The following SORCS1 variants were observed in gnomAD, a reference collection of about 807,000 sequenced individuals.
The protein encoded by SORCS1 is VPS10 domain-containing receptor SorCS1.
Under a neutral mutation model 146.1 loss-of-function variants are expected in SORCS1, and 60 were observed. The observed-to-expected ratio is 0.41, with a 90% CI of 0.33 to 0.51. The LOEUF (loss-of-function observed/expected upper bound fraction) is 0.51. Ranked by LOEUF, SORCS1 falls within the 20% of genes least tolerant of loss-of-function variation. The pLI is 0.21. For missense variants in SORCS1, 1,352 were observed against 1,487.6 expected (o/e 0.91, Z 1.50); for synonymous variants, 637 against 584.0 (o/e 1.09, Z -1.31).
At chr10:106,954,169 G>A (rs1954828307) in intron 2 of SORCS1, among the ~76,000 whole-genome samples, 1 of 152,212 alleles carries the variant, frequency 6.6e-6, no homozygotes, top group African/African-American at 2.4e-5. Context: ...CCACTGTGCA[G>A]GTGGAGAGTT....
intron 5 of SORCS1, among the ~76,000 whole-genome samples, chr10:106,753,383 G>A (rs1249285383): frequency 3.3e-5 from 5 of 152,088 alleles, no homozygotes; most frequent in Non-Finnish European, 5.9e-5. Context: ...TGGTATATCT[G>A]AAGGAGGAAG....
chr10:107,043,326 G>A (rs975658926), intron 1 of SORCS1, among the ~76,000 whole-genome samples: 4 of 152,074 alleles, frequency 2.6e-5, no homozygotes, highest in African/African-American at 7.2e-5. Context: ...TTTCTGTCAC[G>A]GGTTCTCATT....
intron 18 of SORCS1, among the ~76,000 whole-genome samples, chr10:106,632,532 C>T (rs931600032): frequency 6.6e-6 from 1 of 152,176 alleles, no homozygotes; most frequent in Non-Finnish European, 1.5e-5. Flanking sequence ...ATTGAGTAGA[C>T]ATACTCACCC....
intron 21 of SORCS1, among the ~76,000 whole-genome samples, chr10:106,614,054 T>C (rs985349579): frequency 2.0e-5 from 3 of 152,120 alleles, no homozygotes; most frequent in Admixed American, 2.0e-4. Flanking sequence ...TAAATTATTT[T>C]GTTTTCATTG....
rs1283833741 is a variant in SORCS1 at position 106,574,987 on chromosome 10, T to A, written c.*2433A>T. ...TTTCTTCAACAAATAGTTTTCATAC[T>A]ACTACTCTAGGCAAGGCACTGTGCT... is the stretch of plus-strand genomic sequence containing the variant. On this transcript the variant is annotated 3_prime_UTR_variant, in exon 26 of 26. Transcript: ENST00000263054. The A allele has an allele frequency of 6.6e-6, 1 of 152,652 alleles. No individual in the cohort carries two copies. The highest frequency in any genetic ancestry group is 1.5e-5 in the Non-Finnish European group (1 of 68,034). The allele number at this position is 152,652 out of a possible 1,614,324, so 9.5% of individuals were successfully genotyped here.
At chr10:106,861,853 C>T (rs765127073) in intron 2 of SORCS1, among the ~76,000 whole-genome samples, 3 of 152,196 alleles carry the variant, frequency 2.0e-5, no homozygotes, top group Non-Finnish European at 4.4e-5. Context: ...TGTGCCACTG[C>T]ACTCCAGCCT....
chr10:106,704,874 TCAA>T (rs2135791181), intron 8 of SORCS1, among the ~76,000 whole-genome samples: 1 of 152,270 alleles, frequency 6.6e-6, no homozygotes, highest in African/African-American at 2.4e-5. Context: ...CATTTATTAG[TCAA>T]TCAAAGAAAC....
At chr10:106,734,034 A>G (rs1856787130) in intron 5 of SORCS1, among the ~76,000 whole-genome samples, 1 of 152,162 alleles carries the variant, frequency 6.6e-6, no homozygotes. Context: ...TGCACCAGTC[A>G]ATATTTACTA....
chr10:106,748,774 T>C (rs1207306334), intron 5 of SORCS1, among the ~76,000 whole-genome samples: 2 of 152,194 alleles, frequency 1.3e-5, no homozygotes, highest in Non-Finnish European at 2.9e-5. Context: ...AACAATCCTT[T>C]CCTTTTGTCT....
In SORCS1 at chr10:106,583,104, C is replaced by G. The variant is rs564235685; in HGVS notation, c.3266-3630G>C. 1.3e-3 allele frequency among the ~76,000 whole-genome samples: 193 copies of G among 152,150 alleles called. 2 individuals carry two copies. The highest frequency in any genetic ancestry group is 4.4e-3 in the African/African-American group (182 of 41,510). On this transcript the variant is annotated intron_variant, in intron 24 of 25. Coordinates refer to ENST00000263054, the MANE Select transcript of SORCS1 (RefSeq NM_052918.5). ...AATGGAGACGAAACTAGTGTTTAGT[C>G]TAGAAATTTGTGAGATTAAAATGAG... is the stretch of plus-strand genomic sequence containing the variant.
intron 10 of SORCS1, among the ~76,000 whole-genome samples, chr10:106,681,861 C>T (rs1852458055): frequency 6.6e-6 from 1 of 152,150 alleles, no homozygotes. Context: ...GGCATGGTGG[C>T]TCACGCCTGT....
intron 1 of SORCS1, among the ~76,000 whole-genome samples, chr10:106,971,022 T>C (rs570189363): frequency 6.6e-6 from 1 of 151,646 alleles, no homozygotes; most frequent in African/African-American, 2.4e-5. Flanking sequence ...AGTGCTGGGA[T>C]TACAGGTGTG....
Position 106,679,315 on chromosome 10 carries a change from A to G in SORCS1, c.1681T>C (p.Leu561=), listed in dbSNP as rs968058008. The G allele has an allele frequency of 7.4e-6, 12 of 1,612,740 alleles. No individual in the cohort carries two copies. Among genetic ancestry groups the G allele is most frequent in the Non-Finnish European group, 1.0e-5 (12 of 1,179,152 alleles). ...IVASGNIGSE[L]SDTDISMFVS... ...AACATGCTGATGTCAGTGTCTGACA[A>G]TTCAGAACCTATATTACCTAGAAAG... The change falls in exon 12 of 26, where the codon TTG becomes CTG. Residue 561 remains leucine (L), a synonymous_variant. Transcript: ENST00000263054.
intron 2 of SORCS1, among the ~76,000 whole-genome samples, chr10:106,891,501 A>ATTTTTTTTTTTTTTTTTTTTTT (rs562213104): frequency 1.4e-5 from 1 of 74,064 alleles, no homozygotes; most frequent in African/African-American, 6.0e-5. Flanking sequence ...TTCAATGGGA[A>ATTTTTTTTTTTTTTTTTTTTTT]TTCTTTTTTT....
At chr10:107,033,431 C>T (rs1589977793) in intron 1 of SORCS1, among the ~76,000 whole-genome samples, 1 of 152,270 alleles carries the variant, frequency 6.6e-6, no homozygotes, top group East Asian at 1.9e-4. Flanking sequence ...TTTCATAAAG[C>T]CTCAGTCTCA....
chr10:107,083,894 C>T (rs541620896), intron 1 of SORCS1, among the ~76,000 whole-genome samples: 1 of 152,250 alleles, frequency 6.6e-6, no homozygotes, highest in African/African-American at 2.4e-5. Flanking sequence ...GCATGGCCCT[C>T]TCAACCTGCT....
At chr10:106,922,630 C>T (rs542363857) in intron 2 of SORCS1, among the ~76,000 whole-genome samples, 1 of 152,250 alleles carries the variant, frequency 6.6e-6, no homozygotes, top group African/African-American at 2.4e-5. Context: ...CACAGCCTCC[C>T]CTGCTATCAA....
At chr10:106,927,613 A>AG (rs1953129738) in intron 2 of SORCS1, among the ~76,000 whole-genome samples, 1 of 152,168 alleles carries the variant, frequency 6.6e-6, no homozygotes, top group Non-Finnish European at 1.5e-5. Context: ...GGTAGAGCCA[A>AG]GGGGTCTGTT....
At chr10:107,038,695 G>C (rs1252806403) in intron 1 of SORCS1, among the ~76,000 whole-genome samples, 1 of 66,866 alleles carries the variant, frequency 1.5e-5, no homozygotes, top group African/African-American at 1.0e-4. Flanking sequence ...TGGGCAGGGG[G>C]CGGGGGGGGA....
Sources: gnomAD v4.1 joint callset for allele counts (sites outside exome capture counted in the v4.1 genomes callset) on GRCh38, gnomAD v4.1.1 for gene constraint, MANE v1.5 for transcripts, NCBI Gene and HGNC (gene_info 2026-07-23, HGNC 2026-07-21) for gene names.